Variants in FGF13 observed in about 807,000 individuals in gnomAD.
The protein encoded by FGF13 is fibroblast growth factor 13.
Under a neutral mutation model 19.5 loss-of-function variants are expected in FGF13, and 2 were observed. That is an observed-to-expected ratio of 0.10 (90% CI 0.04 to 0.32). FGF13 has a LOEUF of 0.32. Ranked by LOEUF, FGF13 falls within the 10% of genes least tolerant of loss-of-function variation. The pLI is 1.00. For synonymous variants in FGF13, 72 were observed against 76.9 expected (o/e 0.94, Z 0.33); for missense variants, 113 against 192.7 (o/e 0.59, Z 2.45).
intron 1 of FGF13, among the ~76,000 whole-genome samples, chrX:139,004,122 T>G (rs767622564): frequency 9.0e-6 from 1 of 111,485 alleles, no homozygotes; most frequent in African/African-American, 3.3e-5. Context: ...GCCCATGGAG[T>G]GGGTGGGAGA....
intron 1 of FGF13, among the ~76,000 whole-genome samples, chrX:139,063,685 C>T (rs2092343554): frequency 8.9e-6 from 1 of 111,789 alleles, no homozygotes; most frequent in Non-Finnish European, 1.9e-5. Flanking sequence ...GGATTTCACA[C>T]TATATTGCAT....
At chrX:138,729,623 A>G (rs2090212962) in intron 1 of FGF13, among the ~76,000 whole-genome samples, 1 of 110,040 alleles carries the variant, frequency 9.1e-6, no homozygotes, top group Admixed American at 9.8e-5. Context: ...AGAATTGTTC[A>G]AAATCAATGA....
chrX:138,727,458 C>T (rs1384100737), intron 1 of FGF13, among the ~76,000 whole-genome samples: 1 of 111,228 alleles, frequency 9.0e-6, no homozygotes, highest in Non-Finnish European at 1.9e-5. Flanking sequence ...ATTTGTTCAA[C>T]CTTCCTGAGA....
At chrX:138,837,401 C>T (rs975323710) in intron 3 of FGF13, among the ~76,000 whole-genome samples, 2 of 111,477 alleles carry the variant, frequency 1.8e-5, no homozygotes, top group Non-Finnish European at 3.8e-5. Flanking sequence ...TGCGAGGCTC[C>T]ACCTGGTGAT....
intron 1 of FGF13, among the ~76,000 whole-genome samples, chrX:138,894,994 A>G (rs934004294): frequency 3.6e-5 from 4 of 112,145 alleles, no homozygotes; most frequent in African/African-American, 1.3e-4. Flanking sequence ...CTCGGATACA[A>G]GGCAGGTTCA....
At chrX:139,148,240 C>T (rs759705747) in intron 1 of FGF13, among the ~76,000 whole-genome samples, 1 of 111,355 alleles carries the variant, frequency 9.0e-6, no homozygotes, top group Non-Finnish European at 1.9e-5. Context: ...GCCCTCCTCC[C>T]GTGACTGCTC....
intron 3 of FGF13, among the ~76,000 whole-genome samples, chrX:138,776,007 T>C (rs1157097983): frequency 8.9e-6 from 1 of 112,590 alleles, no homozygotes; most frequent in Non-Finnish European, 1.9e-5. Flanking sequence ...GAAAGCTGCA[T>C]ACAACATAGC....
intron 1 of FGF13, among the ~76,000 whole-genome samples, chrX:138,896,595 T>C (rs925596747): frequency 4.5e-5 from 5 of 111,990 alleles, no homozygotes; most frequent in South Asian, 7.5e-4. Context: ...CTATCCTTCA[T>C]AAGACAGCAT....
intron 1 of FGF13, among the ~76,000 whole-genome samples, chrX:139,134,701 A>G (rs1487552124): frequency 9.0e-6 from 1 of 111,576 alleles, no homozygotes; most frequent in Non-Finnish European, 1.9e-5. Context: ...GAGTCATTAA[A>G]CCCTTGTAAA....
At chrX:139,200,465 G>A (rs1181282552) in intron 1 of FGF13, among the ~76,000 whole-genome samples, 1 of 111,941 alleles carries the variant, frequency 8.9e-6, no homozygotes, top group Non-Finnish European at 1.9e-5. Flanking sequence ...AATGCATGGG[G>A]CCACTACTAC....
At chrX:138,875,351 G>A (rs1602986180) in intron 1 of FGF13, among the ~76,000 whole-genome samples, 1 of 111,521 alleles carries the variant, frequency 9.0e-6, no homozygotes, top group South Asian at 3.8e-4. Context: ...CACCTGTAAT[G>A]TACTCCAGCA....
chrX:138,711,329 G>T lies in FGF13; in HGVS notation c.-326C>A. The T allele has an allele frequency of 1.2e-6, 1 of 855,732 alleles. No homozygotes were observed. Among genetic ancestry groups the T allele is most frequent in the East Asian group, 6.7e-5 (1 of 15,032 alleles). The allele number at this position is 855,732 out of a possible 1,213,427, so 70.5% of individuals were successfully genotyped here. On this transcript the variant is annotated 5_prime_UTR_variant, in exon 1 of 5. Coordinates refer to ENST00000315930, the MANE Select transcript of FGF13 (RefSeq NM_004114.5). The stretch of plus-strand genomic sequence containing the variant: ...GCGACTGCGTGTGGTCGGCCCCTGC[G>T]CCCGGCGGACACCGTGCATGTCCAG...
At chrX:138,929,178 A>T (rs2091688338) in intron 1 of FGF13, among the ~76,000 whole-genome samples, 1 of 110,772 alleles carries the variant, frequency 9.0e-6, no homozygotes, top group Non-Finnish European at 1.9e-5. Context: ...ACTAGGAAGT[A>T]GTTTTAAAGT....
intron 1 of FGF13, among the ~76,000 whole-genome samples, chrX:139,164,732 G>T (rs2084067025): frequency 1.3e-5 from 1 of 77,335 alleles, no homozygotes. Flanking sequence ...AATGAATGGA[G>T]AATTCTATTA....
At chrX:139,052,337 G>A (rs2092305249) in intron 1 of FGF13, among the ~76,000 whole-genome samples, 1 of 111,935 alleles carries the variant, frequency 8.9e-6, no homozygotes, top group African/African-American at 3.3e-5. Flanking sequence ...GATGATCCCA[G>A]CCATTTAGTC....
At chrX:139,021,434 T>C (rs978897315) in intron 1 of FGF13, among the ~76,000 whole-genome samples, 3 of 111,348 alleles carry the variant, frequency 2.7e-5, no homozygotes, top group African/African-American at 9.8e-5. Flanking sequence ...GGAAAAATAA[T>C]AAATCCACAA....
At chrX:138,748,023 C>T (rs760235750) in intron 3 of FGF13, among the ~76,000 whole-genome samples, 2 of 111,050 alleles carry the variant, frequency 1.8e-5, no homozygotes, top group African/African-American at 6.5e-5. Flanking sequence ...TACCGTTTCT[C>T]AAGCCCAAAG....
intron 1 of FGF13, among the ~76,000 whole-genome samples, chrX:139,054,229 TCTC>T (rs2092312935): frequency 9.6e-6 from 1 of 104,046 alleles, no homozygotes; most frequent in Non-Finnish European, 2.0e-5. Context: ...TTCACGCCAT[TCTC>T]CTGCCTCAGC....
At chrX:138,960,042 G>A (rs2091861539) in intron 1 of FGF13, among the ~76,000 whole-genome samples, 2 of 111,871 alleles carry the variant, frequency 1.8e-5, no homozygotes, top group Non-Finnish European at 3.8e-5. Flanking sequence ...ATATTGTTAT[G>A]TGTGAATTTG....
Sources: allele counts gnomAD v4.1 joint callset (sites outside exome capture counted in the v4.1 genomes callset), GRCh38; gene constraint gnomAD v4.1.1; transcripts MANE v1.5; gene names NCBI Gene and HGNC (gene_info 2026-07-23, HGNC 2026-07-21).